ERC1: variants seen among roughly 807,000 people sequenced by gnomAD.
ERC1 encodes RAB6 interacting protein 2.
Under a neutral mutation model 132.0 loss-of-function variants are expected in ERC1, and 56 were observed. The observed-to-expected ratio is 0.42, with a 90% CI of 0.34 to 0.53. ERC1 has a LOEUF of 0.53. Among genes scored for constraint, ERC1 ranks in the 20% least tolerant of loss-of-function variants. The probability of loss-of-function intolerance (pLI) is 0.03; values close to 1 mark genes in which losing one functional copy is unlikely to be tolerated. For missense variants in ERC1, 1,202 were observed against 1,349.9 expected (o/e 0.89, Z 1.72); for synonymous variants, 478 against 476.1 (o/e 1.00, Z -0.05).
Position 1,116,011 on chromosome 12 carries a change from G to A in ERC1, c.1547G>A (p.Arg516Lys). The A allele has an allele frequency of 6.2e-7, 1 of 1,612,928 alleles. No homozygotes were observed. Among genetic ancestry groups the A allele is most frequent in the Non-Finnish European group, 8.5e-7 (1 of 1,179,464 alleles). The change falls in exon 7 of 19, where the codon AGG (arginine) becomes AAG (lysine). Residue 516 changes from arginine (R) to lysine (K), a missense_variant. Transcript: ENST00000360905. ...LKESLTAKEQ[R>K]AAILQTEVDA... ...GAGTCCTTGACTGCTAAGGAGCAGA[G>A]GGCTGCCATCCTGCAGACTGAGGTA... is the stretch of plus-strand genomic sequence containing the variant.
At chr12:1,356,611 A>C (rs2085564504) in intron 15 of ERC1, among the ~76,000 whole-genome samples, 1 of 152,204 alleles carries the variant, frequency 6.6e-6, no homozygotes, top group African/African-American at 2.4e-5. Flanking sequence ...TTAAAAGTCT[A>C]CGCTTCCCAT....
intron 10 of ERC1, among the ~76,000 whole-genome samples, chr12:1,182,818 T>C (rs953646327): frequency 1.4e-5 from 2 of 146,610 alleles, no homozygotes; most frequent in African/African-American, 5.5e-5. Flanking sequence ...TGCACTACCA[T>C]GCCCAGCTAA....
At chr12:1,123,177 A>T (rs949763259) in intron 7 of ERC1, among the ~76,000 whole-genome samples, 2 of 152,200 alleles carry the variant, frequency 1.3e-5, no homozygotes, top group Non-Finnish European at 2.9e-5. Context: ...ACTTAAGAAG[A>T]TAATGATAAG....
intron 1 of ERC1, among the ~76,000 whole-genome samples, chr12:1,010,909 T>A (rs1555196582): frequency 6.6e-6 from 1 of 152,204 alleles, no homozygotes; most frequent in Non-Finnish European, 1.5e-5. Flanking sequence ...ACCAGAAACA[T>A]GTTTATAATG....
At chr12:991,729 A>G (rs1460620256) in intron 1 of ERC1, 1 of 152,244 alleles carries the variant, frequency 6.6e-6, no homozygotes, top group Non-Finnish European at 1.5e-5. Context: ...CGGACGAGGT[A>G]GTGGGGAGAC....
At chr12:1,308,864 A>C (rs1566550257) in intron 15 of ERC1, among the ~76,000 whole-genome samples, 1 of 152,190 alleles carries the variant, frequency 6.6e-6, no homozygotes, top group East Asian at 1.9e-4. Context: ...ATGTGTTGAG[A>C]TTCTGACCCC....
chr12:1,075,217 A>G (rs1051724385), intron 2 of ERC1, among the ~76,000 whole-genome samples: 1 of 152,158 alleles, frequency 6.6e-6, no homozygotes, highest in Non-Finnish European at 1.5e-5. Context: ...TGACGTTTGT[A>G]CAAAGTGGGG....
intron 1 of ERC1, among the ~76,000 whole-genome samples, chr12:1,002,571 A>C (rs574984484): frequency 1.5e-4 from 23 of 152,260 alleles, no homozygotes; most frequent in African/African-American, 4.6e-4. Context: ...TAGGATATGC[A>C]TATGTAGAAT....
chr12:1,133,900 C>T (rs547251480), intron 7 of ERC1, among the ~76,000 whole-genome samples: 1 of 152,254 alleles, frequency 6.6e-6, no homozygotes, highest in Admixed American at 6.5e-5. Flanking sequence ...TGAGATCATA[C>T]CGTAATCTGT....
At chr12:1,270,972 G>T (rs1316831739) in intron 14 of ERC1, among the ~76,000 whole-genome samples, 1 of 151,880 alleles carries the variant, frequency 6.6e-6, no homozygotes, top group African/African-American at 2.4e-5. Flanking sequence ...TATCAAGTAT[G>T]GTATTTGTAT....
intron 3 of ERC1, among the ~76,000 whole-genome samples, chr12:1,099,391 C>T (rs1412335402): frequency 6.6e-6 from 1 of 152,024 alleles, no homozygotes; most frequent in Non-Finnish European, 1.5e-5. Flanking sequence ...CGAAAACATA[C>T]CTGTGAGATC....
chr12:1,429,753 G>T (rs2092738411), intron 17 of ERC1, among the ~76,000 whole-genome samples: 2 of 152,196 alleles, frequency 1.3e-5, no homozygotes, highest in South Asian at 4.1e-4. Context: ...TCTTGAAGGA[G>T]CAGTAGGCAT....
intron 2 of ERC1, among the ~76,000 whole-genome samples, chr12:1,043,234 A>G (rs578207100): frequency 2.6e-5 from 4 of 151,984 alleles, no homozygotes; most frequent in African/African-American, 9.6e-5. Flanking sequence ...TAGTAGAGAC[A>G]GGGTTTCACC....
intron 15 of ERC1, among the ~76,000 whole-genome samples, chr12:1,365,455 A>G (rs1157084714): frequency 6.6e-6 from 1 of 152,202 alleles, no homozygotes; most frequent in Non-Finnish European, 1.5e-5. Context: ...GGTTCAAGAT[A>G]CATTCATTAT....
At chr12:1,071,912 C>A (rs1363911477) in intron 2 of ERC1, among the ~76,000 whole-genome samples, 2 of 151,982 alleles carry the variant, frequency 1.3e-5, no homozygotes, top group East Asian at 3.9e-4. Context: ...ACCAGCCTGG[C>A]CAACATGGAG....
At chr12:1,168,577 C>G (rs796591923) in intron 8 of ERC1, among the ~76,000 whole-genome samples, 44 of 151,002 alleles carry the variant, frequency 2.9e-4, no homozygotes, top group African/African-American at 1.0e-3. Flanking sequence ...CATCGCCTCC[C>G]AGGTTCAAGC....
chr12:1,416,501 G>A (rs1239880051), intron 17 of ERC1, among the ~76,000 whole-genome samples: 2 of 152,178 alleles, frequency 1.3e-5, no homozygotes, highest in African/African-American at 4.8e-5. Flanking sequence ...CCACACTTCT[G>A]TTTTAATATT....
intron 1 of ERC1, among the ~76,000 whole-genome samples, chr12:1,014,607 G>A (rs1291706901): frequency 1.3e-5 from 2 of 152,168 alleles, no homozygotes; most frequent in Non-Finnish European, 2.9e-5. Flanking sequence ...TCATTTCTGT[G>A]TATATACAAA....
intron 18 of ERC1, among the ~76,000 whole-genome samples, chr12:1,459,522 A>G (rs1592186477): frequency 6.6e-6 from 1 of 152,224 alleles, no homozygotes; most frequent in East Asian, 1.9e-4. Context: ...GGAAAACTCC[A>G]CCCTGTGGTT....
Sources: gnomAD v4.1 joint callset for allele counts (sites outside exome capture counted in the v4.1 genomes callset) on GRCh38, gnomAD v4.1.1 for gene constraint, MANE v1.5 for transcripts, NCBI Gene and HGNC (gene_info 2026-07-23, HGNC 2026-07-21) for gene names.